Variants in DAG1 observed in about 807,000 individuals in gnomAD.
DAG1 encodes the protein dystroglycan 1 (dystrophin-associated glycoprotein 1).
In DAG1, 8 loss-of-function variants were observed where a neutral mutation model predicts 46.1. The ratio of observed to expected loss-of-function variants is 0.17; its 90% confidence interval spans 0.10 to 0.31. The LOEUF is 0.31. DAG1 is among the 10% of genes least tolerant of loss of function. DAG1 has a pLI of 1.00. For missense variants in DAG1, 1,003 were observed against 1,189.9 expected (o/e 0.84, Z 2.31); for synonymous variants, 495 against 481.8 (o/e 1.03, Z -0.36).
At position 49,530,857 on chromosome 3, in the gene DAG1, A is replaced by G; in HGVS notation, c.346A>G (p.Thr116Ala). Residue 116 changes from threonine (T) to alanine (A), a missense_variant, in exon 3 of 3, where the codon ACC becomes GCC. Thr to Ala is a moderately conservative substitution (Grantham distance 58). Transcript: ENST00000308775. ...SWLHWDSQSHTLEGLPLDTDK... is the reference protein window; with the variant it reads ...SWLHWDSQSHALEGLPLDTDK... ...GCTGCACTGGGACTCACAGAGCCAC[A>G]CCCTGGAGGGCCTCCCCCTTGACAC... is the stretch of plus-strand genomic sequence containing the variant. 6.2e-7 allele frequency: 1 copy of G among 1,614,168 alleles called. No homozygotes were observed. The highest frequency in any genetic ancestry group is 8.5e-7 in the Non-Finnish European group (1 of 1,180,024).
Position 49,531,988 on chromosome 3 carries a change from C to T in DAG1, c.1477C>T (p.Pro493Ser), listed in dbSNP as rs1553653082. The T allele has an allele frequency of 8.1e-6, 13 of 1,614,212 alleles. No homozygotes were observed. Among genetic ancestry groups the T allele is most frequent in the Non-Finnish European group, 1.0e-5 (12 of 1,180,034 alleles). Residue 493 changes from proline (P) to serine (S), a missense_variant, in exon 3 of 3, where the codon CCC (proline) becomes TCC (serine). Pro to Ser is a moderately conservative substitution (Grantham distance 74). This residue lies in a region of DAG1 where 755 missense variants were observed against 854.1 expected (regional missense o/e 0.88). Coordinates refer to ENST00000308775, the MANE Select transcript of DAG1 (RefSeq NM_004393.6). The surrounding 1 kb of genome is among the most constrained non-coding windows in gnomAD (Gnocchi z 7.0). ...TTSGVPRGGE[P>S]NQRPELKNHI... is the part of the protein sequence containing the mutation. ...CAGTGGAGTGCCCCGTGGCGGAGAA[C>T]CCAACCAGCGCCCAGAGCTCAAGAA...
Position 49,531,936 on chromosome 3 carries a change from A to G in DAG1, c.1425A>G (p.Ser475=). Residue 475 remains serine (S), a synonymous_variant, in exon 3 of 3, where the codon TCA becomes TCG. Transcript: ENST00000308775. This position sits in a 1 kb window ranked among gnomAD's most constrained non-coding sequence, Gnocchi z 7.0. ...KVSITRLETA[S]PPTRIRTTTS... is the part of the protein sequence containing the mutation. ...CCATCACCAGATTGGAAACTGCCTC[A>G]CCGCCTACTCGTATTCGCACCACCA... The G allele has an allele frequency of 6.2e-7, 1 of 1,613,906 alleles. No individual in the cohort carries two copies. Among genetic ancestry groups the G allele is most frequent in the Non-Finnish European group, 8.5e-7 (1 of 1,179,978 alleles).
chr3:49,519,626 C>G (rs143060618), intron 2 of DAG1, among the ~76,000 whole-genome samples: 2 of 152,046 alleles, frequency 1.3e-5, no homozygotes, highest in Non-Finnish European at 2.9e-5. Flanking sequence ...CAAAGCACAC[C>G]GGGAAATGCG....
At chr3:49,527,074 G>T (rs2051192356) in intron 2 of DAG1, among the ~76,000 whole-genome samples, 1 of 152,172 alleles carries the variant, frequency 6.6e-6, no homozygotes, top group African/African-American at 2.4e-5. Flanking sequence ...GAGAAGGCAG[G>T]GCCCTTCTCT....
chr3:49,491,400 C>T (rs1250076936), intron 1 of DAG1, among the ~76,000 whole-genome samples: 1 of 151,664 alleles, frequency 6.6e-6, no homozygotes, highest in Non-Finnish European at 1.5e-5. Flanking sequence ...CAGCCTCTGC[C>T]TCCTGGGTCA....
intron 1 of DAG1, among the ~76,000 whole-genome samples, chr3:49,504,706 C>T (rs906787565): frequency 2.0e-5 from 3 of 147,364 alleles, no homozygotes; most frequent in African/African-American, 5.0e-5. Flanking sequence ...CCTGCCTCAG[C>T]CTCCCCAGTA....
intron 1 of DAG1, among the ~76,000 whole-genome samples, chr3:49,474,893 G>A (rs1431422550): frequency 7.3e-5 from 11 of 149,830 alleles, no homozygotes; most frequent in African/African-American, 2.7e-4. Flanking sequence ...CTCACTGCAA[G>A]CTCCGCCTCC....
chr3:49,514,953 G>A (rs1359482570), intron 2 of DAG1, among the ~76,000 whole-genome samples: 1 of 151,880 alleles, frequency 6.6e-6, no homozygotes, highest in African/African-American at 2.4e-5. Context: ...TCCGCCTCCT[G>A]GGTTCAGGCT....
intron 2 of DAG1, among the ~76,000 whole-genome samples, chr3:49,527,478 C>A (rs1309157563): frequency 6.2e-5 from 5 of 80,800 alleles, no homozygotes. Context: ...GCCGAGATAG[C>A]GCCACTGCAG....
intron 2 of DAG1, 92 bp downstream of exon 2, chr3:49,510,911 A>G (rs185127707): frequency 4.3e-5 from 67 of 1,555,262 alleles, no homozygotes; most frequent in Admixed American, 5.8e-5. Flanking sequence ...AGCTTCACCA[A>G]TTCTGAGCTC....
rs542870388 is a variant in DAG1, at chr3:49,525,438, T to C, written c.286-5359T>C. On this transcript the variant is annotated intron_variant, in intron 2 of 2. Coordinates refer to ENST00000308775, the MANE Select transcript of DAG1 (RefSeq NM_004393.6). ...GGTTCTGCAGGCTATACAGGGAATA[T>C]AGTGGCTTCTGCTTCTGGGGATGCC... Among the ~76,000 whole-genome samples, 11 of 152,298 alleles carry C rather than the reference T, an allele frequency of 7.2e-5. No individual in the cohort carries two copies. In the South Asian group the frequency reaches 2.3e-3, roughly 32 times the overall value.
At chr3:49,475,872 A>G (rs1389355869) in intron 1 of DAG1, among the ~76,000 whole-genome samples, 1 of 151,508 alleles carries the variant, frequency 6.6e-6, no homozygotes, top group Admixed American at 6.6e-5. Flanking sequence ...CCTGGCTAAT[A>G]TATGTATATA....
At chr3:49,480,308 C>T (rs546094858) in intron 1 of DAG1, among the ~76,000 whole-genome samples, 7 of 138,214 alleles carry the variant, frequency 5.1e-5, no homozygotes, top group African/African-American at 1.9e-4. Flanking sequence ...CGGAGTCTCG[C>T]TCTATCGCCC....
At position 49,534,918 on chromosome 3, in the gene DAG1, G is replaced by C. The variant is rs1169501365; in HGVS notation, c.*1719G>C. 4 of 152,866 alleles carry C rather than the reference G, an allele frequency of 2.6e-5. No individual in the cohort carries two copies. The highest frequency in any genetic ancestry group is 2.6e-4 in the Admixed American group (4 of 15,292). 9.5% of individuals were successfully genotyped at this position (152,866 alleles called of 1,614,324 possible). A position where few individuals can be genotyped will look rare whatever the true frequency, so the allele number is the denominator to read the frequency against. On this transcript the variant is annotated 3_prime_UTR_variant, in exon 3 of 3. Coordinates refer to ENST00000308775, the MANE Select transcript of DAG1 (RefSeq NM_004393.6). ...CAGCTACTTCTAAGCCATATCGACT[G>C]TTTTGCAGAGGATTTGTGTGTGCTG... is the stretch of plus-strand genomic sequence containing the variant.
chr3:49,479,022 C>G (rs1486331237), intron 1 of DAG1, among the ~76,000 whole-genome samples: 15 of 151,772 alleles, frequency 9.9e-5, no homozygotes, highest in Non-Finnish European at 1.5e-5. Flanking sequence ...ACTATGTTAG[C>G]CAGGCTGGTC....
At chr3:49,513,070 C>G (rs2050805527) in intron 2 of DAG1, among the ~76,000 whole-genome samples, 1 of 152,156 alleles carries the variant, frequency 6.6e-6, no homozygotes, top group African/African-American at 2.4e-5. Context: ...ACTCAACCAG[C>G]TTGTTTTACT....
chr3:49,496,984 T>C (rs1553645922), intron 1 of DAG1, among the ~76,000 whole-genome samples: 1 of 152,004 alleles, frequency 6.6e-6, no homozygotes, highest in Non-Finnish European at 1.5e-5. Context: ...TATTTTAATA[T>C]ACCATCTTAA....
intron 1 of DAG1, among the ~76,000 whole-genome samples, chr3:49,491,697 C>T (rs912429227): frequency 3.9e-5 from 6 of 152,004 alleles, no homozygotes; most frequent in South Asian, 4.1e-4. Flanking sequence ...AGGATGGTCT[C>T]GATCTCCTGA....
Position 49,531,267 on chromosome 3 carries a change from G to A in DAG1, c.756G>A (p.Val252=), listed in dbSNP as rs1177367096. ...GCCCGGGAAATGCAAAAAAGGTGGT[G>A]GAGAATGGGGCCCTTCTCTCCTGGA... ...MAGPGNAKKV[V]ENGALLSWKL... is the part of the protein sequence containing the mutation. Residue 252 remains valine, a synonymous_variant, in exon 3 of 3, where the codon GTG becomes GTA. Coordinates refer to ENST00000308775, the MANE Select transcript of DAG1 (RefSeq NM_004393.6). This position sits in a 1 kb window ranked among gnomAD's most constrained non-coding sequence, Gnocchi z 7.0. The A allele has an allele frequency of 3.1e-6, 5 of 1,614,000 alleles. No homozygotes were observed. The highest frequency in any genetic ancestry group is 3.3e-5 in the Admixed American group (2 of 60,006).
Sources: gnomAD v4.1 joint callset for allele counts (sites outside exome capture counted in the v4.1 genomes callset) on GRCh38, gnomAD v4.1.1 for gene constraint, gnomAD v4.1.1 regional missense constraint, Gnocchi (gnomAD v3.1) non-coding constraint, MANE v1.5 for transcripts, NCBI Gene and HGNC (gene_info 2026-07-23, HGNC 2026-07-21) for gene names.